The following GPC6 variants were observed in gnomAD, a reference collection of about 807,000 sequenced individuals.
The protein encoded by GPC6 is glypican-6.
GPC6 carries 14 observed loss-of-function variants against 55.2 expected under a neutral mutation model. That is an observed-to-expected ratio of 0.25 (90% CI 0.17 to 0.40). The LOEUF is 0.40. GPC6 is among the 10% of genes least tolerant of loss of function. GPC6 has a pLI of 1.00. For missense variants in GPC6, 641 were observed against 708.5 expected (o/e 0.90, Z 1.08); for synonymous variants, 278 against 259.6 (o/e 1.07, Z -0.68).
At chr13:93,738,899 T>G (rs1377286123) in intron 2 of GPC6, among the ~76,000 whole-genome samples, 1 of 151,046 alleles carries the variant, frequency 6.6e-6, no homozygotes, top group Non-Finnish European at 1.5e-5. Context: ...CCAAAACAAC[T>G]CACAGTGATA....
chr13:94,130,826 A>G (rs1377223923), intron 4 of GPC6, among the ~76,000 whole-genome samples: 1 of 152,164 alleles, frequency 6.6e-6, no homozygotes. Flanking sequence ...ACTAAGCATT[A>G]CTTCATAGGA....
At chr13:93,994,418 G>T (rs749273415) in intron 3 of GPC6, among the ~76,000 whole-genome samples, 27 of 152,092 alleles carry the variant, frequency 1.8e-4, no homozygotes, top group Non-Finnish European at 3.7e-4. Context: ...ATAACATTGT[G>T]GATTGGTTAT....
intron 1 of GPC6, among the ~76,000 whole-genome samples, chr13:93,420,484 T>TA (rs150701620): frequency 0.049 from 7,402 of 152,024 alleles, 647 homozygotes; most frequent in African/African-American, 0.17. Context: ...TGAGAGAGGT[T>TA]AAAAAGAGTG....
chr13:94,123,147 C>T (rs1476283695), intron 4 of GPC6, among the ~76,000 whole-genome samples: 1 of 151,878 alleles, frequency 6.6e-6, no homozygotes, highest in Admixed American at 6.6e-5. Context: ...AACTGTGAGA[C>T]ATAGACAAAA....
intron 2 of GPC6, among the ~76,000 whole-genome samples, chr13:93,766,540 CTGCCAAT>C (rs2138885688): frequency 6.6e-6 from 1 of 152,004 alleles, no homozygotes; most frequent in Non-Finnish European, 1.5e-5. Context: ...AAATAATATA[CTGCCAAT>C]GGAATTTGAA....
At chr13:94,089,039 G>A (rs186148365) in intron 4 of GPC6, among the ~76,000 whole-genome samples, 90 of 152,302 alleles carry the variant, frequency 5.9e-4, no homozygotes, top group African/African-American at 2.1e-3. Flanking sequence ...TTATGCAGCT[G>A]TGCTTGAGTA....
At position 94,099,034 on chromosome 13, in the gene GPC6, G is replaced by A. The variant is rs549647858; in HGVS notation, c.877+71140G>A. Among the ~76,000 whole-genome samples the A allele has an allele frequency of 9.2e-5, 14 of 152,152 alleles. No homozygotes were observed. The South Asian group carries it at 2.7e-3, about 29-fold the overall frequency. On this transcript the variant is annotated intron_variant, in intron 4 of 8. Transcript: ENST00000377047. ...AACATATATTTATCCCACAAGTGAGGAGAGAATTGATTACTCTAGAGAACT... is the reference window on the plus strand; with the variant it reads ...AACATATATTTATCCCACAAGTGAGAAGAGAATTGATTACTCTAGAGAACT...
intron 2 of GPC6, among the ~76,000 whole-genome samples, chr13:93,676,999 A>G (rs927082455): frequency 3.9e-5 from 6 of 152,154 alleles, no homozygotes; most frequent in Non-Finnish European, 8.8e-5. Flanking sequence ...CTAGTTTAAA[A>G]TAAAGATAAG....
At chr13:94,321,988 C>T (rs1454281004) in intron 6 of GPC6, among the ~76,000 whole-genome samples, 1 of 152,202 alleles carries the variant, frequency 6.6e-6, no homozygotes, top group Admixed American at 6.5e-5. Flanking sequence ...TTGCTGGCAC[C>T]TAGAAAGATT....
intron 4 of GPC6, among the ~76,000 whole-genome samples, chr13:94,179,328 T>C (rs1888904052): frequency 6.6e-6 from 1 of 152,168 alleles, no homozygotes. Flanking sequence ...GGCATTTACT[T>C]TGAGATAGAG....
At chr13:93,885,860 C>G (rs940220463) in intron 3 of GPC6, among the ~76,000 whole-genome samples, 8 of 151,964 alleles carry the variant, frequency 5.3e-5, no homozygotes, top group Non-Finnish European at 1.2e-4. Context: ...CAAACCAAAA[C>G]AAAACAAAAT....
intron 4 of GPC6, among the ~76,000 whole-genome samples, chr13:94,147,384 T>C (rs1887600625): frequency 6.6e-6 from 1 of 152,204 alleles, no homozygotes; most frequent in Non-Finnish European, 1.5e-5. Flanking sequence ...TGTTAGGCTC[T>C]ATAGCCTGGG....
chr13:93,890,716 ATTTT>A (rs35783811), intron 3 of GPC6, among the ~76,000 whole-genome samples: 1 of 125,382 alleles, frequency 8.0e-6, no homozygotes, highest in Non-Finnish European at 1.6e-5. Context: ...ATTTTACTTA[ATTTT>A]TTTTTTTTTT....
chr13:93,995,161 C>CTATTTTTTATTTTATTT (rs1566639351), intron 3 of GPC6, among the ~76,000 whole-genome samples: 1 of 144,296 alleles, frequency 6.9e-6, no homozygotes, highest in African/African-American at 2.6e-5. Flanking sequence ...TGTACTTCAA[C>CTATTTTTTATTTTATTT]TATTTTATTT....
At chr13:93,390,115 G>A (rs1461916586) in intron 1 of GPC6, among the ~76,000 whole-genome samples, 1 of 151,972 alleles carries the variant, frequency 6.6e-6, no homozygotes, top group Non-Finnish European at 1.5e-5. Context: ...AAACAGAGGA[G>A]GAAAATAGAC....
chr13:94,073,002 C>T (rs1383907821), intron 4 of GPC6, among the ~76,000 whole-genome samples: 1 of 152,034 alleles, frequency 6.6e-6, no homozygotes, highest in African/African-American at 2.4e-5. Context: ...TACTGGGCCC[C>T]ATTCAAGAAA....
At chr13:94,138,170 G>A (rs1887251752) in intron 4 of GPC6, among the ~76,000 whole-genome samples, 1 of 152,108 alleles carries the variant, frequency 6.6e-6, no homozygotes, top group Admixed American at 6.5e-5. Context: ...GCTTATTGGA[G>A]CATTTTGGAT....
At chr13:93,410,103 G>A (rs1000838691) in intron 1 of GPC6, among the ~76,000 whole-genome samples, 1 of 152,134 alleles carries the variant, frequency 6.6e-6, no homozygotes, top group Non-Finnish European at 1.5e-5. Flanking sequence ...CCAGCTCAGG[G>A]ATTCAACCTC....
In GPC6 at chr13:93,374,546, G is replaced by A. The variant is rs111332543; in HGVS notation, c.160+146930G>A. Among the ~76,000 whole-genome samples the A allele has an allele frequency of 7.3e-3, 1,114 of 152,270 alleles. 15 individuals carry two copies. The highest frequency in any genetic ancestry group is 0.025 in the African/African-American group (1,057 of 41,558). ...GGAAGGAAAAATAAGAAGGGCAGACGGGAGAGAAGACATGGCTTCGCTTAA... is the reference window on the plus strand; with the variant it reads ...GGAAGGAAAAATAAGAAGGGCAGACAGGAGAGAAGACATGGCTTCGCTTAA... On this transcript the variant is annotated intron_variant, in intron 1 of 8. Coordinates refer to ENST00000377047, the MANE Select transcript of GPC6 (RefSeq NM_005708.5).
Sources: gnomAD v4.1 joint callset for allele counts (sites outside exome capture counted in the v4.1 genomes callset) on GRCh38, gnomAD v4.1.1 for gene constraint, MANE v1.5 for transcripts, NCBI Gene and HGNC (gene_info 2026-07-23, HGNC 2026-07-21) for gene names.